Variants in ARHGAP31 observed in about 807,000 individuals in gnomAD.
ARHGAP31 encodes the protein rho GTPase-activating protein 31.
ARHGAP31 carries 34 observed loss-of-function variants against 113.9 expected under a neutral mutation model. That is an observed-to-expected ratio of 0.30 (90% confidence interval 0.23 to 0.40). The LOEUF (loss-of-function observed/expected upper bound fraction) is 0.40. Among genes scored for constraint, ARHGAP31 ranks in the 10% least tolerant of loss-of-function variants. The pLI is 1.00. For missense variants in ARHGAP31, 1,548 were observed against 1,767.1 expected (o/e 0.88, Z 2.22); for synonymous variants, 650 against 684.8 (o/e 0.95, Z 0.79).
chr3:119,327,255 A>T (rs1332190114), intron 1 of ARHGAP31, among the ~76,000 whole-genome samples: 1 of 152,226 alleles, frequency 6.6e-6, no homozygotes, highest in Non-Finnish European at 1.5e-5. Context: ...TTTAAATTGC[A>T]ACGTCAGCCG....
At chr3:119,314,121 C>G (rs2079708214) in intron 1 of ARHGAP31, among the ~76,000 whole-genome samples, 1 of 152,224 alleles carries the variant, frequency 6.6e-6, no homozygotes, top group Non-Finnish European at 1.5e-5. Context: ...CTCTACTTCT[C>G]GCAGTTCCTC....
At chr3:119,298,566 G>A (rs1443529947) in intron 1 of ARHGAP31, 1 of 152,212 alleles carries the variant, frequency 6.6e-6, no homozygotes, top group African/African-American at 2.4e-5. Context: ...CTTCCTCTGG[G>A]TTGGCTTTAC....
chr3:119,382,932 G>T, intron 5 of ARHGAP31, 152 bp from the exon 6 acceptor site: 1 of 1,012,402 alleles, frequency 9.9e-7, no homozygotes, highest in East Asian at 2.5e-5. Flanking sequence ...AGCCTTTGGA[G>T]AGTTCCTTTA....
At chr3:119,336,823 A>C (rs2079954037) in intron 1 of ARHGAP31, among the ~76,000 whole-genome samples, 1 of 151,988 alleles carries the variant, frequency 6.6e-6, no homozygotes, top group Non-Finnish European at 1.5e-5. Flanking sequence ...CCACCTTCCC[A>C]CCTACTCTCC....
At chr3:119,379,811 A>G (rs531240174) in intron 3 of ARHGAP31, among the ~76,000 whole-genome samples, 3 of 152,194 alleles carry the variant, frequency 2.0e-5, no homozygotes, top group Non-Finnish European at 4.4e-5. Flanking sequence ...TTTTTAATAT[A>G]TGTAAATTAT....
chr3:119,354,775 G>T (rs2080141854), intron 1 of ARHGAP31, among the ~76,000 whole-genome samples: 1 of 148,540 alleles, frequency 6.7e-6, no homozygotes, highest in Non-Finnish European at 1.5e-5. Flanking sequence ...TGATCCACCT[G>T]CCATTGTGTG....
chr3:119,304,855 A>G (rs2079616728), intron 1 of ARHGAP31, among the ~76,000 whole-genome samples: 1 of 152,036 alleles, frequency 6.6e-6, no homozygotes, highest in Non-Finnish European at 1.5e-5. Flanking sequence ...AGATGGCGCT[A>G]CTGCAATCCA....
intron 1 of ARHGAP31, among the ~76,000 whole-genome samples, chr3:119,354,486 G>GGTT (rs1189492891): frequency 9.9e-5 from 15 of 151,174 alleles, no homozygotes; most frequent in Admixed American, 9.9e-4. Context: ...TTGTGTGTGT[G>GGTT]TGTGTGTGTG....
chr3:119,335,968 G>T (rs1455919892), intron 1 of ARHGAP31, among the ~76,000 whole-genome samples: 1 of 152,058 alleles, frequency 6.6e-6, no homozygotes, highest in African/African-American at 2.4e-5. Context: ...AGGTCAGGAG[G>T]TCGAGACCAG....
intron 1 of ARHGAP31, among the ~76,000 whole-genome samples, chr3:119,303,459 G>C (rs1051429317): frequency 2.0e-5 from 3 of 152,214 alleles, no homozygotes; most frequent in African/African-American, 4.8e-5. Flanking sequence ...AACCAACTGA[G>C]TTTCTGGGAT....
At chr3:119,393,318 C>G in intron 7 of ARHGAP31, 149 bp from the exon 8 acceptor site, 2 of 1,063,738 alleles carry the variant, frequency 1.9e-6, no homozygotes, top group Non-Finnish European at 2.8e-6. Flanking sequence ...AGGTGAGAAT[C>G]AAGCTTACCT....
intron 1 of ARHGAP31, among the ~76,000 whole-genome samples, chr3:119,343,264 A>G (rs1353327743): frequency 6.6e-6 from 1 of 152,198 alleles, no homozygotes; most frequent in Non-Finnish European, 1.5e-5. Flanking sequence ...TGGGGTTGGG[A>G]GTCAGAGAGA....
At chr3:119,313,044 A>G (rs956129208) in intron 1 of ARHGAP31, among the ~76,000 whole-genome samples, 1 of 152,240 alleles carries the variant, frequency 6.6e-6, no homozygotes, top group African/African-American at 2.4e-5. Flanking sequence ...CCAACTACCC[A>G]TTTTGTAACT....
intron 10 of ARHGAP31, among the ~76,000 whole-genome samples, chr3:119,402,713 A>T (rs1271088945): frequency 2.6e-5 from 4 of 152,364 alleles, no homozygotes; most frequent in African/African-American, 9.6e-5. Context: ...ATAAGTATAT[A>T]ATAAATATTA....
intron 1 of ARHGAP31, among the ~76,000 whole-genome samples, chr3:119,332,879 T>C (rs1172996980): frequency 1.3e-5 from 2 of 152,184 alleles, no homozygotes; most frequent in Non-Finnish European, 2.9e-5. Flanking sequence ...AACTTCCATT[T>C]ACTAGTCCCT....
chr3:119,303,273 G>A (rs2079600918), intron 1 of ARHGAP31, among the ~76,000 whole-genome samples: 2 of 152,188 alleles, frequency 1.3e-5, no homozygotes, highest in Admixed American at 1.3e-4. Context: ...AAGGCACATT[G>A]CTGATGTGCT....
chr3:119,301,713 C>T (rs534003350), intron 1 of ARHGAP31, among the ~76,000 whole-genome samples: 1 of 152,206 alleles, frequency 6.6e-6, no homozygotes, highest in South Asian at 2.1e-4. Flanking sequence ...GGGTGAGGCT[C>T]TGCAGCAGTG....
intron 10 of ARHGAP31, among the ~76,000 whole-genome samples, chr3:119,407,166 T>G (rs1261337101): frequency 6.6e-6 from 1 of 151,830 alleles, no homozygotes; most frequent in Non-Finnish European, 1.5e-5. Context: ...GCAAACATGA[T>G]GAAACCCCGT....
chr3:119,398,267 T>TA lies in ARHGAP31; in HGVS notation c.1007-925dup, dbSNP rs540723929. Among the ~76,000 whole-genome samples, 315 of 152,104 alleles carry TA rather than the reference T, an allele frequency of 2.1e-3. 1 individual carries two copies. The highest frequency in any genetic ancestry group is 1.8e-3 in the Non-Finnish European group (119 of 67,994). On this transcript the variant is annotated intron_variant, in intron 8 of 11. Transcript: ENST00000264245. Reference sequence around the variant, plus strand: ...TGGGCAACAGAATAAGACCCTGTCTTAAAAAAATAAATAAATAAAAATAAA... The same window carrying TA: ...TGGGCAACAGAATAAGACCCTGTCTTAAAAAAAATAAATAAATAAAAATAAA...
Sources: allele counts gnomAD v4.1 joint callset (sites outside exome capture counted in the v4.1 genomes callset), GRCh38; gene constraint gnomAD v4.1.1; transcripts MANE v1.5; gene names NCBI Gene and HGNC (gene_info 2026-07-23, HGNC 2026-07-21).